The following CDKL2 variants were observed in gnomAD, a reference collection of about 807,000 sequenced individuals.
CDKL2 encodes cyclin dependent kinase like 2, also known as cyclin-dependent kinase-like 2.
In CDKL2, 64 loss-of-function variants were observed where a neutral mutation model predicts 63.9. The observed-to-expected ratio is 1.00, with a 90% CI of 0.82 to 1.23. The LOEUF (loss-of-function observed/expected upper bound fraction) is 1.23. Among genes scored for constraint, CDKL2 ranks in the 50% most tolerant of loss-of-function variants. CDKL2 has a pLI of 0.00. For synonymous variants in CDKL2, 211 were observed against 229.2 expected, an observed-to-expected ratio of 0.92 and a Z score of 0.72; for missense variants, 656 against 668.0, an observed-to-expected ratio of 0.98 and a Z score of 0.20.
chr4:75,599,752 G>A (rs374838447), intron 7 of CDKL2, among the ~76,000 whole-genome samples: 33 of 152,198 alleles, frequency 2.2e-4, no homozygotes, highest in African/African-American at 2.6e-4. Context: ...ATTAAGCTAC[G>A]TGTTACTGCC....
intron 1 of CDKL2, among the ~76,000 whole-genome samples, chr4:75,627,900 C>T (rs1416232458): frequency 2.0e-5 from 3 of 149,202 alleles, no homozygotes; most frequent in Admixed American, 6.7e-5. Flanking sequence ...TTAGTAGAGA[C>T]GGGGTTTCGC....
chr4:75,610,732 G>C (rs1001332443), intron 3 of CDKL2, among the ~76,000 whole-genome samples: 14 of 152,146 alleles, frequency 9.2e-5, no homozygotes, highest in African/African-American at 3.1e-4. Context: ...CACATATATA[G>C]ATACATTTAA....
At chr4:75,579,694 T>C in intron 13 of CDKL2, among the ~76,000 whole-genome samples, 1 of 151,116 alleles carries the variant, frequency 6.6e-6, no homozygotes, top group Non-Finnish European at 1.5e-5. Flanking sequence ...AGAAAAACTA[T>C]CATGTGTAAC....
At chr4:75,587,270 A>G (rs2148862332) in intron 12 of CDKL2, among the ~76,000 whole-genome samples, 1 of 152,172 alleles carries the variant, frequency 6.6e-6, no homozygotes, top group Non-Finnish European at 1.5e-5. Context: ...CCTGGCCAAC[A>G]TGGTGAAACC....
intron 2 of CDKL2, among the ~76,000 whole-genome samples, chr4:75,618,239 CTTT>C (rs56002333): frequency 3.8e-5 from 2 of 52,946 alleles, no homozygotes; most frequent in African/African-American, 1.6e-4. Context: ...ATTGAAAATT[CTTT>C]TTTTTTTTTT....
intron 2 of CDKL2, 106 bp downstream of exon 2, chr4:75,625,715 A>G (rs1027029574): frequency 1.3e-6 from 1 of 758,480 alleles, no homozygotes; most frequent in African/African-American, 1.8e-5. Context: ...TCAGGTTTAC[A>G]TTCACCAGAT....
chr4:75,615,133 A>G (rs1379450030), intron 2 of CDKL2, among the ~76,000 whole-genome samples: 1 of 152,028 alleles, frequency 6.6e-6, no homozygotes. Context: ...ATTATGAACA[A>G]GCCTGCAACT....
At chr4:75,602,242 G>A (rs557659705) in intron 6 of CDKL2, among the ~76,000 whole-genome samples, 33 of 152,034 alleles carry the variant, frequency 2.2e-4, no homozygotes, top group African/African-American at 7.7e-4. Context: ...GTGCAGTGGC[G>A]TAATCTCAGC....
chr4:75,596,877 T>C (rs2148876014), intron 9 of CDKL2, 58 bp downstream of exon 9: 3 of 1,396,798 alleles, frequency 2.1e-6, no homozygotes, highest in Non-Finnish European at 3.0e-6. Flanking sequence ...TGACAAACCC[T>C]TGCAATTTGC....
intron 1 of CDKL2, among the ~76,000 whole-genome samples, chr4:75,626,569 A>T (rs374657418): frequency 2.0e-5 from 3 of 151,868 alleles, no homozygotes; most frequent in African/African-American, 7.3e-5. Flanking sequence ...CGGGAGGCTG[A>T]GGCAGGAGAA....
chr4:75,610,159 A>T (rs908803364), intron 3 of CDKL2, among the ~76,000 whole-genome samples: 4 of 151,296 alleles, frequency 2.6e-5, no homozygotes, highest in African/African-American at 9.7e-5. Context: ...GCCGAAATCG[A>T]GCCACTGCAC....
At chr4:75,628,261 G>A (rs1267838787) in intron 1 of CDKL2, among the ~76,000 whole-genome samples, 3 of 151,476 alleles carry the variant, frequency 2.0e-5, no homozygotes, top group Admixed American at 1.3e-4. Flanking sequence ...GACTACAGGC[G>A]CCTGCCACCA....
chr4:75,600,494 G>A, intron 6 of CDKL2, 125 bp from the exon 7 acceptor site: 1 of 653,298 alleles, frequency 1.5e-6, no homozygotes, highest in South Asian at 2.0e-5. Context: ...GTCTCACTCT[G>A]TTGCCCAGGC....
rs376930236 is a variant in CDKL2, at chr4:75,623,795, A to G, written c.168+2026T>C. Among the ~76,000 whole-genome samples the G allele has an allele frequency of 3.3e-5, 5 of 152,168 alleles. No homozygotes were observed. The East Asian group carries it at 5.8e-4, about 18-fold the overall frequency. The stretch of plus-strand genomic sequence containing the variant: ...TTATCAAACAGGAAAAAAGCAAAAT[A>G]TAACTATACGGTTTTCACAAGAGAT... On this transcript the variant is annotated intron_variant, in intron 2 of 13. Transcript: ENST00000307465.
intron 13 of CDKL2, among the ~76,000 whole-genome samples, chr4:75,580,832 C>G (rs1728232169): frequency 6.7e-6 from 1 of 149,638 alleles, no homozygotes. Context: ...TCCCGAGTAG[C>G]TGGGACTACA....
In CDKL2 at chr4:75,597,147, A is replaced by G. The variant is rs186773480; in HGVS notation, c.1110T>C (p.Asn370=). ...KIDGEKAEKG[N]RASNASCLHD... ...GGAGACAGCTGGCATTTGAAGCTCT[A>G]TTGCCTTTTTCAGCTTTTTCTCCAT... The change falls in exon 9 of 14, where the codon AAT becomes AAC. Residue 370 remains asparagine (N), a synonymous_variant. Coordinates refer to ENST00000307465, the MANE Select transcript of CDKL2 (RefSeq NM_001330724.2). 3 of 1,613,898 alleles carry G rather than the reference A, an allele frequency of 1.9e-6. No individual in the cohort carries two copies. The highest frequency in any genetic ancestry group is 2.7e-5 in the African/African-American group (2 of 74,988).
intron 7 of CDKL2, among the ~76,000 whole-genome samples, chr4:75,600,021 T>G (rs557325819): frequency 6.6e-6 from 1 of 152,184 alleles, no homozygotes; most frequent in African/African-American, 2.4e-5. Flanking sequence ...ATGATCTGAC[T>G]GGTAGACGTC....
At chr4:75,607,072 CT>C in intron 4 of CDKL2, 110 bp downstream of exon 4, 1 of 840,282 alleles carries the variant, frequency 1.2e-6, no homozygotes, top group Non-Finnish European at 1.8e-6. Flanking sequence ...GTCCCTGAAA[CT>C]CAAGCCTTCC....
Sources: allele counts gnomAD v4.1 joint callset (sites outside exome capture counted in the v4.1 genomes callset), GRCh38; gene constraint gnomAD v4.1.1; transcripts MANE v1.5; gene names NCBI Gene and HGNC (gene_info 2026-07-23, HGNC 2026-07-21).